Variants in CHRM3 observed in about 807,000 individuals in gnomAD.
CHRM3 encodes cholinergic receptor muscarinic 3.
Under a neutral mutation model 41.8 loss-of-function variants are expected in CHRM3, and 11 were observed. That is an observed-to-expected ratio of 0.26 (90% CI 0.17 to 0.44). CHRM3 has a LOEUF of 0.44. Ranked by LOEUF, CHRM3 falls within the 20% of genes least tolerant of loss-of-function variation. The pLI is 1.00. For missense variants in CHRM3, 571 were observed against 745.4 expected, an observed-to-expected ratio of 0.77 and a Z score of 2.72; for synonymous variants, 297 against 301.4, an observed-to-expected ratio of 0.99 and a Z score of 0.15.
At chr1:239,693,352 G>A (rs886363441) in intron 5 of CHRM3, among the ~76,000 whole-genome samples, 4 of 152,110 alleles carry the variant, frequency 2.6e-5, no homozygotes, top group African/African-American at 9.7e-5. Context: ...GAGGCCATAA[G>A]GGTAGGATCT....
At chr1:239,548,650 T>A (rs1659517222) in intron 3 of CHRM3, among the ~76,000 whole-genome samples, 1 of 152,174 alleles carries the variant, frequency 6.6e-6, no homozygotes, top group Non-Finnish European at 1.5e-5. Flanking sequence ...TTGGTAAGAA[T>A]CTACATGCTA....
intron 4 of CHRM3, among the ~76,000 whole-genome samples, chr1:239,639,082 G>A (rs368202603): frequency 1.5e-4 from 23 of 151,688 alleles, no homozygotes; most frequent in African/African-American, 2.4e-4. Flanking sequence ...GTAGATATGC[G>A]GCATTATTTC....
chr1:239,746,396 A>G (rs1419791528), intron 5 of CHRM3, among the ~76,000 whole-genome samples: 2 of 152,236 alleles, frequency 1.3e-5, no homozygotes, highest in African/African-American at 4.8e-5. Context: ...ACTGAAGCTC[A>G]GAGAGTAAAT....
rs78497444 is a variant in CHRM3 at position 239,855,217 on chromosome 1, A to G, written c.-20+27839A>G. 5.0e-3 allele frequency among the ~76,000 whole-genome samples: 757 copies of G among 152,254 alleles called. 6 individuals are homozygous for G. The highest frequency in any genetic ancestry group is 0.017 in the African/African-American group (708 of 41,562). On this transcript the variant is annotated intron_variant, in intron 6 of 6. Transcript: ENST00000676153. Reference sequence around the variant, plus strand: ...ATGGCCTTCCAACAATGGCTTTGTAATGGTCAGGATAATCACAAAGTCATC... The same window carrying G: ...ATGGCCTTCCAACAATGGCTTTGTAGTGGTCAGGATAATCACAAAGTCATC...
At chr1:239,716,753 A>T (rs1387535449) in intron 5 of CHRM3, among the ~76,000 whole-genome samples, 1 of 152,080 alleles carries the variant, frequency 6.6e-6, no homozygotes, top group Non-Finnish European at 1.5e-5. Context: ...CCTAAACTTT[A>T]AAAAACCTTG....
intron 6 of CHRM3, among the ~76,000 whole-genome samples, chr1:239,873,092 G>A (rs542644648): frequency 1.3e-5 from 2 of 152,190 alleles, no homozygotes; most frequent in Non-Finnish European, 2.9e-5. Context: ...GACTGTGCCA[G>A]TGTGTACAGT....
chr1:239,770,532 C>T (rs1011182245), intron 5 of CHRM3, among the ~76,000 whole-genome samples: 1 of 152,066 alleles, frequency 6.6e-6, no homozygotes, highest in Non-Finnish European at 1.5e-5. Flanking sequence ...TCAATAATCA[C>T]GATTTTAAGG....
Position 239,764,417 on chromosome 1 carries a change from A to T in CHRM3, c.-146-62835A>T, listed in dbSNP as rs557835972. Among the ~76,000 whole-genome samples the T allele has an allele frequency of 3.3e-5, 5 of 152,338 alleles. No homozygotes were observed. In the East Asian group the frequency reaches 7.7e-4, roughly 24 times the overall value. ...AGCATAGAAGCTGCATGGTGAGTGC[A>T]TATTGAGCAAGTTCCCATCCGAATT... is the stretch of plus-strand genomic sequence containing the variant. On this transcript the variant is annotated intron_variant, in intron 5 of 6. Coordinates refer to ENST00000676153, the MANE Select transcript of CHRM3 (RefSeq NM_001375978.1).
intron 1 of CHRM3, among the ~76,000 whole-genome samples, chr1:239,397,386 G>A (rs1301959851): frequency 6.6e-6 from 1 of 152,020 alleles, no homozygotes; most frequent in Non-Finnish European, 1.5e-5. Flanking sequence ...TATAGAAAAT[G>A]TTGTGGCCGG....
At chr1:239,837,299 C>T (rs367800119) in intron 6 of CHRM3, among the ~76,000 whole-genome samples, 2 of 152,218 alleles carry the variant, frequency 1.3e-5, no homozygotes, top group East Asian at 3.9e-4. Flanking sequence ...TCAAGAGTGC[C>T]AGAGAAATAT....
At chr1:239,813,725 G>A (rs490811) in intron 5 of CHRM3, among the ~76,000 whole-genome samples, 121,188 of 123,982 alleles carry the variant, frequency 0.98, 59,313 homozygotes, top group South Asian at 1. Context: ...AGACCATCCT[G>A]GCTAACACGG....
At chr1:239,889,641 T>C (rs1490839731) in intron 6 of CHRM3, among the ~76,000 whole-genome samples, 1 of 152,218 alleles carries the variant, frequency 6.6e-6, no homozygotes, top group Non-Finnish European at 1.5e-5. Flanking sequence ...AATTTCTTTC[T>C]ACCTCCTGTA....
chr1:239,681,945 A>G (rs1048046842), intron 5 of CHRM3, among the ~76,000 whole-genome samples: 1 of 152,192 alleles, frequency 6.6e-6, no homozygotes, highest in African/African-American at 2.4e-5. Flanking sequence ...AGGCATGGTT[A>G]CCTTCTTTAT....
Position 239,579,778 on chromosome 1 carries a change from C to T in CHRM3, c.-313+34029C>T, listed in dbSNP as rs184598528. ...AGTACTCACTGTATGGCAGGCATTG[C>T]TTTAGGTAATTTATACGTCCATATT... On this transcript the variant is annotated intron_variant, in intron 3 of 6. Transcript: ENST00000676153. 1.2e-4 allele frequency among the ~76,000 whole-genome samples: 18 copies of T among 152,304 alleles called. No homozygotes were observed. In the East Asian group the frequency reaches 3.5e-3, roughly 29 times the overall value.
In CHRM3 at chr1:239,914,650, A is replaced by G. The variant is rs1230485322; in HGVS notation, c.*5426A>G. On this transcript the variant is annotated 3_prime_UTR_variant, in exon 7 of 7. Coordinates refer to ENST00000676153, the MANE Select transcript of CHRM3 (RefSeq NM_001375978.1). ...TTGTATAAAACAGTAGAATTCATGG[A>G]AGGGATAATTCTTTTGGAACAGGCT... The G allele has an allele frequency of 6.0e-6, 1 of 167,092 alleles. No individual in the cohort carries two copies. Among genetic ancestry groups the G allele is most frequent in the Non-Finnish European group, 1.5e-5 (1 of 68,108 alleles). The allele number at this position is 167,092 out of a possible 1,614,324, so 10.4% of individuals were successfully genotyped here. A position where few individuals can be genotyped will look rare whatever the true frequency, so the allele number is the denominator to read the frequency against.
chr1:239,857,923 G>A (rs927658195), intron 6 of CHRM3, among the ~76,000 whole-genome samples: 1 of 152,062 alleles, frequency 6.6e-6, no homozygotes, highest in Non-Finnish European at 1.5e-5. Context: ...ATTTGAAGTT[G>A]CCCCGAACAT....
chr1:239,565,143 C>G (rs1050208929), intron 3 of CHRM3, among the ~76,000 whole-genome samples: 6 of 152,146 alleles, frequency 3.9e-5, no homozygotes, highest in African/African-American at 1.2e-4. Flanking sequence ...CATCAGGGAC[C>G]ACTTGGATAA....
At chr1:239,791,872 A>G (rs1258129148) in intron 5 of CHRM3, among the ~76,000 whole-genome samples, 1 of 152,206 alleles carries the variant, frequency 6.6e-6, no homozygotes, top group Non-Finnish European at 1.5e-5. Context: ...TGGCTACCAG[A>G]AACACAGTGG....
chr1:239,814,632 T>C (rs1181814103), intron 5 of CHRM3, among the ~76,000 whole-genome samples: 1 of 152,170 alleles, frequency 6.6e-6, no homozygotes. Context: ...TTAGTGACTA[T>C]GCACTAGTGA....
Sources: gnomAD v4.1 joint callset for allele counts (sites outside exome capture counted in the v4.1 genomes callset) on GRCh38, gnomAD v4.1.1 for gene constraint, MANE v1.5 for transcripts, NCBI Gene and HGNC (gene_info 2026-07-23, HGNC 2026-07-21) for gene names.